The following KCNK5 variants were observed in gnomAD, a reference collection of about 807,000 sequenced individuals.
KCNK5 encodes potassium two pore domain channel subfamily K member 5, also known as potassium channel subfamily K member 5.
KCNK5 carries 18 observed loss-of-function variants against 32.9 expected under a neutral mutation model. That is an observed-to-expected ratio of 0.55 (90% CI 0.38 to 0.81). The LOEUF is 0.81. KCNK5 is among the 30% of genes least tolerant of loss of function. The probability of loss-of-function intolerance (pLI) is 0.00; values close to 1 mark genes in which losing one functional copy is unlikely to be tolerated. For synonymous variants in KCNK5, 276 were observed against 275.3 expected (o/e 1.00, Z -0.03); for missense variants, 507 against 651.0 (o/e 0.78, Z 2.41).
At chr6:39,222,617 C>T (rs1410964741) in intron 1 of KCNK5, among the ~76,000 whole-genome samples, 2 of 152,194 alleles carry the variant, frequency 1.3e-5, no homozygotes, top group Non-Finnish European at 2.9e-5. Flanking sequence ...CAGAACACCT[C>T]CCCAAGGGCT....
At chr6:39,222,143 T>A (rs1292330004) in intron 1 of KCNK5, among the ~76,000 whole-genome samples, 1 of 152,024 alleles carries the variant, frequency 6.6e-6, no homozygotes, top group African/African-American at 2.4e-5. Context: ...CACTTCTACA[T>A]AAAGGGATAG....
chr6:39,196,654 C>G (rs985365121), intron 1 of KCNK5, among the ~76,000 whole-genome samples: 1 of 152,226 alleles, frequency 6.6e-6, no homozygotes, highest in Non-Finnish European at 1.5e-5. Context: ...GCCTAGGACT[C>G]TAATGTACCC....
In KCNK5 at chr6:39,194,456, G is replaced by A. The variant is rs1005664561; in HGVS notation, c.466-119C>T. ...GCTAGCTGGGTACCCAGCCTGACCC[G>A]GGAGGGCAAGGAGCTCTGAAACTAT... On this transcript the variant is annotated intron_variant, in intron 3 of 4. Coordinates refer to ENST00000359534, the MANE Select transcript of KCNK5 (RefSeq NM_003740.4). This position sits in a 1 kb window ranked among gnomAD's most constrained non-coding sequence, Gnocchi z 4.7. 5.0e-6 allele frequency: 7 copies of A among 1,410,784 alleles called. No homozygotes were observed. Among genetic ancestry groups the A allele is most frequent in the Non-Finnish European group, 6.8e-6 (7 of 1,034,020 alleles). 87.4% of individuals were successfully genotyped at this position (1,410,784 alleles called of 1,614,324 possible). A position where few individuals can be genotyped will look rare whatever the true frequency, so the allele number is the denominator to read the frequency against.
intron 1 of KCNK5, among the ~76,000 whole-genome samples, chr6:39,211,199 C>A (rs1771331811): frequency 2.0e-5 from 3 of 152,168 alleles, no homozygotes; most frequent in African/African-American, 7.2e-5. Context: ...TGCTTCCCCG[C>A]AGAGTGGGGA....
At position 39,191,388 on chromosome 6, in the gene KCNK5, G is replaced by A. The variant is rs747976856; in HGVS notation, c.1002C>T (p.Leu334=). ...GPGLGPQGGG[L]PALPPSLVPL... ...GCACCAGGGAAGGGGGCAGTGCTGG[G>A]AGCCCACCGCCTTGAGGCCCCAGCC... Residue 334 remains leucine, a synonymous_variant, in exon 5 of 5, where the codon CTC becomes CTT. Transcript: ENST00000359534. This position sits in a 1 kb window ranked among gnomAD's most constrained non-coding sequence, Gnocchi z 5.8. 1.2e-6 allele frequency: 2 copies of A among 1,613,404 alleles called. No homozygotes were observed. The highest frequency in any genetic ancestry group is 1.7e-6 in the Non-Finnish European group (2 of 1,180,012).
chr6:39,228,797 C>T, intron 1 of KCNK5, 129 bp downstream of exon 1: 1 of 854,624 alleles, frequency 1.2e-6, no homozygotes, highest in African/African-American at 1.7e-5. Context: ...GAGACACGCT[C>T]TCTCATCACC....
At chr6:39,199,580 C>G (rs1394817864) in intron 1 of KCNK5, among the ~76,000 whole-genome samples, 3 of 152,208 alleles carry the variant, frequency 2.0e-5, no homozygotes, top group Non-Finnish European at 4.4e-5. Flanking sequence ...ATTACACCCA[C>G]TGGGCGGAGA....
intron 1 of KCNK5, among the ~76,000 whole-genome samples, chr6:39,215,586 G>T (rs765692378): frequency 1.3e-5 from 2 of 152,178 alleles, no homozygotes; most frequent in Non-Finnish European, 2.9e-5. Flanking sequence ...AAAGGGCCCC[G>T]CCCTGAGGTC....
At position 39,229,408 on chromosome 6, in the gene KCNK5, T is replaced by C. The variant is rs1396633635; in HGVS notation, c.-297A>G. The C allele has an allele frequency of 1.4e-5, 6 of 440,362 alleles. No homozygotes were observed. Among genetic ancestry groups the C allele is most frequent in the Admixed American group, 3.5e-5 (1 of 28,282 alleles). 27.3% of individuals were successfully genotyped at this position (440,362 alleles called of 1,614,324 possible). A position where few individuals can be genotyped will look rare whatever the true frequency, so the allele number is the denominator to read the frequency against. On this transcript the variant is annotated 5_prime_UTR_variant, in exon 1 of 5. Coordinates refer to ENST00000359534, the MANE Select transcript of KCNK5 (RefSeq NM_003740.4). ...GTAAGGAGCGGGAAGAACACAGGAC[T>C]TGACTCTGGGCAGACACGTGGGCCG...
intron 1 of KCNK5, among the ~76,000 whole-genome samples, chr6:39,216,166 TC>T (rs1362396887): frequency 6.6e-6 from 1 of 152,080 alleles, no homozygotes; most frequent in African/African-American, 2.4e-5. Flanking sequence ...ATGCCTGTAA[TC>T]CCAGCTACTC....
At chr6:39,216,478 A>C (rs1250058854) in intron 1 of KCNK5, among the ~76,000 whole-genome samples, 1 of 152,142 alleles carries the variant, frequency 6.6e-6, no homozygotes, top group East Asian at 1.9e-4. Context: ...ACCCAGTCTC[A>C]AGGAGCAGCT....
rs146316205 is a variant in KCNK5 at position 39,191,331 on chromosome 6, G to A, written c.1059C>T (p.Pro353=). The change falls in exon 5 of 5, where the codon CCC becomes CCT. Residue 353 remains proline, a synonymous_variant. Transcript: ENST00000359534. This position sits in a 1 kb window ranked among gnomAD's most constrained non-coding sequence, Gnocchi z 5.8. ...GTGTCTGTGACACCTCTTCCAAGGT[G>A]GGCACCCGGTTCTTGGAGTAGACTA... ...PLVVYSKNRV[P]TLEEVSQTLR... The A allele has an allele frequency of 2.3e-4, 366 of 1,613,836 alleles. No individual in the cohort carries two copies. The highest frequency in any genetic ancestry group is 3.0e-4 in the Non-Finnish European group (358 of 1,180,016).
At position 39,195,308 on chromosome 6, in the gene KCNK5, C is replaced by T. The variant is rs1322613729; in HGVS notation, c.299-548G>A. Among the ~76,000 whole-genome samples, 3 of 152,196 alleles carry T rather than the reference C, an allele frequency of 2.0e-5. No homozygotes were observed. In the South Asian group the frequency reaches 6.2e-4, roughly 32 times the overall value. On this transcript the variant is annotated intron_variant, in intron 2 of 4. Transcript: ENST00000359534. Reference sequence around the variant, plus strand: ...ACATGCGGAGGCCTTGTGTTTTCATCCCCAGCTGAGCTCCCAGCCAACAGC... The same window carrying T: ...ACATGCGGAGGCCTTGTGTTTTCATTCCCAGCTGAGCTCCCAGCCAACAGC...
Position 39,191,208 on chromosome 6 carries a change from C to A in KCNK5, c.1182G>T (p.Gln394His). The change falls in exon 5 of 5, where the codon CAG becomes CAT. Residue 394 changes from glutamine to histidine, a missense_variant. By Grantham distance (24) the Gln-to-His change is conservative. This residue lies in a region of KCNK5 where 252 missense variants were observed against 250.8 expected (regional missense o/e 1.00). Transcript: ENST00000359534. The surrounding 1 kb of genome is among the most constrained non-coding windows in gnomAD (Gnocchi z 5.8). ...SSPAPEVFMN[Q>H]LDRISEECEP... is the part of the protein sequence containing the mutation. ...CGCATTCCTCGCTGATGCGGTCCAGCTGGTTCATGAACACCTCGGGGGCAG... is the reference window on the plus strand; with the variant it reads ...CGCATTCCTCGCTGATGCGGTCCAGATGGTTCATGAACACCTCGGGGGCAG... The A allele has an allele frequency of 1.2e-6, 2 of 1,614,224 alleles. No homozygotes were observed. Among genetic ancestry groups the A allele is most frequent in the Non-Finnish European group, 1.7e-6 (2 of 1,180,050 alleles).
At chr6:39,220,539 C>T (rs1771527704) in intron 1 of KCNK5, among the ~76,000 whole-genome samples, 1 of 152,128 alleles carries the variant, frequency 6.6e-6, no homozygotes, top group African/African-American at 2.4e-5. Context: ...CTGGGACAAG[C>T]CAGGACTGAG....
intron 1 of KCNK5, among the ~76,000 whole-genome samples, chr6:39,213,633 A>C (rs1771378533): frequency 6.6e-6 from 1 of 152,244 alleles, no homozygotes; most frequent in Non-Finnish European, 1.5e-5. Flanking sequence ...GAGGGGTGTA[A>C]GAATGTGTAT....
chr6:39,210,099 G>A (rs1771305388), intron 1 of KCNK5, among the ~76,000 whole-genome samples: 1 of 152,172 alleles, frequency 6.6e-6, no homozygotes, highest in Non-Finnish European at 1.5e-5. Context: ...GTCAGGCAGG[G>A]GAGCAGGCCC....
At chr6:39,226,483 C>A (rs925424588) in intron 1 of KCNK5, among the ~76,000 whole-genome samples, 7 of 152,078 alleles carry the variant, frequency 4.6e-5, no homozygotes, top group Non-Finnish European at 1.0e-4. Context: ...TAAGAGAAAC[C>A]CCAACTCAGA....
chr6:39,205,112 G>A (rs1771200774), intron 1 of KCNK5, among the ~76,000 whole-genome samples: 4 of 152,206 alleles, frequency 2.6e-5, no homozygotes, highest in African/African-American at 7.2e-5. Context: ...ACCTGAGGTT[G>A]CAGGTTTGGC....
Sources: allele counts gnomAD v4.1 joint callset (sites outside exome capture counted in the v4.1 genomes callset), GRCh38; gene constraint gnomAD v4.1.1; regional missense constraint gnomAD v4.1.1; non-coding constraint Gnocchi (gnomAD v3.1); transcripts MANE v1.5; gene names NCBI Gene and HGNC (gene_info 2026-07-23, HGNC 2026-07-21).